Variants in GRAMD4 observed in about 807,000 individuals in gnomAD.
The protein encoded by GRAMD4 is GRAM domain containing 4.
Under a neutral mutation model 83.9 loss-of-function variants are expected in GRAMD4, and 25 were observed. The observed-to-expected ratio is 0.30, with a 90% confidence interval of 0.22 to 0.42. GRAMD4 has a LOEUF of 0.42. Ranked by LOEUF, GRAMD4 falls within the 10% of genes least tolerant of loss-of-function variation. The pLI is 1.00. For synonymous variants in GRAMD4, 336 were observed against 320.9 expected, an observed-to-expected ratio of 1.05 and a Z score of -0.50; for missense variants, 593 against 788.7, an observed-to-expected ratio of 0.75 and a Z score of 2.97.
chr22:46,677,050 G>T, intron 18 of GRAMD4, 97 bp from the exon 19 acceptor site: 1 of 1,425,078 alleles, frequency 7.0e-7, no homozygotes, highest in Admixed American at 1.9e-5. Flanking sequence ...CGTGACTAGC[G>T]TGCTGGCCTG....
chr22:46,627,271 G>A (rs146343363), intron 2 of GRAMD4, among the ~76,000 whole-genome samples: 180 of 152,358 alleles, frequency 1.2e-3, no homozygotes, highest in African/African-American at 4.3e-3. Flanking sequence ...CCCTGGGAGC[G>A]TTGACATGCG....
At position 46,664,197 on chromosome 22, in the gene GRAMD4, A is replaced by AG. The variant is rs1287638870; in HGVS notation, c.717+83dup. 8.1e-6 allele frequency: 8 copies of AG among 993,034 alleles called. No homozygotes were observed. In the Admixed American group the frequency reaches 1.4e-4, roughly 17 times the overall value. The allele number at this position is 993,034 out of a possible 1,614,324, so 61.5% of individuals were successfully genotyped here. On this transcript the variant is annotated intron_variant, in intron 8 of 18. Transcript: ENST00000406902. Reference sequence around the variant, plus strand: ...TCACCACATGATCAGGCACCTTCCCAGGGTGGGAGGTGGCCCCCAGGTGGC... The same window carrying AG: ...TCACCACATGATCAGGCACCTTCCCAGGGGTGGGAGGTGGCCCCCAGGTGGC...
At position 46,677,873 on chromosome 22, in the gene GRAMD4, G is replaced by T; in HGVS notation, c.*622G>T. 1 of 985,220 alleles carries T rather than the reference G, an allele frequency of 1.0e-6. No individual in the cohort carries two copies. Among genetic ancestry groups the T allele is most frequent in the African/African-American group, 1.7e-5 (1 of 57,358 alleles). 61.0% of individuals were successfully genotyped at this position (985,220 alleles called of 1,614,324 possible). A position where few individuals can be genotyped will look rare whatever the true frequency, so the allele number is the denominator to read the frequency against. On this transcript the variant is annotated 3_prime_UTR_variant, in exon 19 of 19. Coordinates refer to ENST00000406902, the MANE Select transcript of GRAMD4 (RefSeq NM_015124.5). ...CCTGCGCTCCACACTCGCTCCACGG[G>T]AACAGAGAGGGTGAGAAGGGCCCAC... is the stretch of plus-strand genomic sequence containing the variant.
chr22:46,610,570 C>T (rs894894900), intron 1 of GRAMD4, among the ~76,000 whole-genome samples: 1 of 152,252 alleles, frequency 6.6e-6, no homozygotes, highest in African/African-American at 2.4e-5. Context: ...GAGCCGCTCC[C>T]TGTGCCTTCG....
At chr22:46,632,947 T>G (rs1465432309) in intron 2 of GRAMD4, among the ~76,000 whole-genome samples, 1 of 152,228 alleles carries the variant, frequency 6.6e-6, no homozygotes, top group East Asian at 1.9e-4. Context: ...TCTGGCCCCT[T>G]GCCACATGTC....
At chr22:46,663,209 G>C in intron 6 of GRAMD4, 37 bp downstream of exon 6, 1 of 1,594,416 alleles carries the variant, frequency 6.3e-7, no homozygotes, top group Non-Finnish European at 8.6e-7. Flanking sequence ...CTGTGCGTTA[G>C]GGGCCCCGGT....
chr22:46,682,458 C>G (rs2082675445), downstream of GRAMD4: 1 of 984,364 alleles, frequency 1.0e-6, no homozygotes, highest in East Asian at 1.1e-4. Context: ...CAAAATGAGT[C>G]AGGGGAGGCC....
chr22:46,594,119 C>T (rs894227853), intron 1 of GRAMD4, among the ~76,000 whole-genome samples: 3 of 151,534 alleles, frequency 2.0e-5, no homozygotes, highest in African/African-American at 4.8e-5. Flanking sequence ...CAGCCCCTCC[C>T]CAGCATCCTG....
rs1256373200 is a variant in GRAMD4, at chr22:46,577,223, C to T, written c.-117C>T. On this transcript the variant is annotated 5_prime_UTR_variant, in exon 1 of 2. Coordinates refer to the GRAMD4 transcript ENST00000431155. Reference sequence around the variant, plus strand: ...TCCCGGGCGGGCGGCAGGCGTAGCGCGGCCGGGCGGCCGGCGAGGGGGGCG... The same window carrying T: ...TCCCGGGCGGGCGGCAGGCGTAGCGTGGCCGGGCGGCCGGCGAGGGGGGCG... 4 of 943,448 alleles carry T rather than the reference C, an allele frequency of 4.2e-6. No homozygotes were observed. The East Asian group carries it at 3.5e-4, about 84-fold the overall frequency. 58.4% of individuals were successfully genotyped at this position (943,448 alleles called of 1,614,324 possible).
intron 1 of GRAMD4, chr22:46,587,964 G>C (rs2147925573): frequency 1.0e-6 from 1 of 984,976 alleles, no homozygotes; most frequent in East Asian, 1.1e-4. Context: ...AGGCCTGAGG[G>C]TCCAGGGGGC....
At chr22:46,591,903 C>A (rs1401958583) in intron 1 of GRAMD4, among the ~76,000 whole-genome samples, 2 of 127,692 alleles carry the variant, frequency 1.6e-5, no homozygotes, top group Non-Finnish European at 3.2e-5. Context: ...CCTCAGTTAG[C>A]CATGCCCAGG....
At chr22:46,636,532 G>A (rs138472) in intron 2 of GRAMD4, among the ~76,000 whole-genome samples, 28,329 of 152,256 alleles carry the variant, frequency 0.19, 3,515 homozygotes, top group East Asian at 0.55. Flanking sequence ...TGGCCACAGC[G>A]TGGGTGATAC....
At chr22:46,603,431 G>C (rs1476614748) in intron 1 of GRAMD4, among the ~76,000 whole-genome samples, 2 of 149,894 alleles carry the variant, frequency 1.3e-5, no homozygotes, top group African/African-American at 4.9e-5. Flanking sequence ...GGGTGGTCTC[G>C]ATCTCCTGAC....
intron 2 of GRAMD4, among the ~76,000 whole-genome samples, chr22:46,635,780 C>T (rs1238441311): frequency 8.4e-5 from 6 of 71,816 alleles, no homozygotes; most frequent in Admixed American, 1.6e-4. Context: ...CCTAGGTGGC[C>T]GTGTCCTCCC....
At position 46,634,230 on chromosome 22, in the gene GRAMD4, T is replaced by A. The variant is rs1601600871; in HGVS notation, c.163-3610T>A. Among the ~76,000 whole-genome samples, 6 of 152,292 alleles carry A rather than the reference T, an allele frequency of 3.9e-5. No individual in the cohort carries two copies. In the South Asian group the frequency reaches 1.2e-3, roughly 32 times the overall value. ...CTGGCTGCTGGGTCTCATTTCAGCT[T>A]AATGATTATGACTTCCTCCTCCAGA... On this transcript the variant is annotated intron_variant, in intron 2 of 18. Transcript: ENST00000406902.
chr22:46,664,977 G>C (rs1368387029), intron 8 of GRAMD4, among the ~76,000 whole-genome samples: 1 of 152,198 alleles, frequency 6.6e-6, no homozygotes, highest in African/African-American at 2.4e-5. Flanking sequence ...ACAGATGAAG[G>C]CTGGGTGCTG....
At chr22:46,588,534 G>A (rs573272417) in intron 1 of GRAMD4, among the ~76,000 whole-genome samples, 2 of 152,200 alleles carry the variant, frequency 1.3e-5, no homozygotes, top group Non-Finnish European at 2.9e-5. Context: ...GGCCAGCCAC[G>A]TTCTAAGCTT....
At chr22:46,608,604 A>G (rs147923017) in intron 1 of GRAMD4, among the ~76,000 whole-genome samples, 11,368 of 152,176 alleles carry the variant, frequency 0.075, 727 homozygotes, top group African/African-American at 0.18. Context: ...GCTTGAACCC[A>G]GGAGGCAGAG....
At chr22:46,644,370 G>A (rs530414580) in intron 3 of GRAMD4, among the ~76,000 whole-genome samples, 5 of 136,526 alleles carry the variant, frequency 3.7e-5, no homozygotes, top group African/African-American at 1.4e-4. Context: ...CCCTGTTCTG[G>A]GTTACACCTG....
Sources: allele counts gnomAD v4.1 joint callset (sites outside exome capture counted in the v4.1 genomes callset), GRCh38; gene constraint gnomAD v4.1.1; transcripts MANE v1.5; gene names NCBI Gene and HGNC (gene_info 2026-07-23, HGNC 2026-07-21).